Variants in TMEM108 observed in about 807,000 individuals in gnomAD.
TMEM108 encodes the protein transmembrane protein 108.
A neutral mutation model predicts 35.1 loss-of-function variants in TMEM108; 12 were observed. That is an observed-to-expected ratio of 0.34 (90% CI 0.22 to 0.55). The LOEUF (loss-of-function observed/expected upper bound fraction) is 0.55, where lower values mean the gene tolerates loss of function less well. TMEM108 is among the 20% of genes least tolerant of loss of function. The pLI, the probability that TMEM108 is intolerant of heterozygous loss-of-function variation, is 0.89. For synonymous variants in TMEM108, 287 were observed against 308.6 expected, an observed-to-expected ratio of 0.93 and a Z score of 0.73; for missense variants, 680 against 753.3, an observed-to-expected ratio of 0.90 and a Z score of 1.14.
chr3:133,058,600 C>T (rs1035271324), intron 2 of TMEM108, among the ~76,000 whole-genome samples: 3 of 152,204 alleles, frequency 2.0e-5, no homozygotes, highest in Non-Finnish European at 2.9e-5. Context: ...GGGGTGGGAA[C>T]GCACTTGAGG....
chr3:133,080,727 A>G (rs1046968219), intron 2 of TMEM108, among the ~76,000 whole-genome samples: 13 of 152,232 alleles, frequency 8.5e-5, no homozygotes, highest in Non-Finnish European at 1.5e-4. Flanking sequence ...TGCTGATTGT[A>G]AAGTGTATAT....
intron 3 of TMEM108, among the ~76,000 whole-genome samples, chr3:133,302,658 G>A (rs1947245595): frequency 6.6e-6 from 1 of 151,942 alleles, no homozygotes; most frequent in Non-Finnish European, 1.5e-5. Flanking sequence ...CTGACCTCAT[G>A]ATCCTCCCGC....
At position 133,130,970 on chromosome 3, in the gene TMEM108, A is replaced by G. The variant is rs140777121; in HGVS notation, c.-47+84950A>G. On this transcript the variant is annotated intron_variant, in intron 2 of 5. Coordinates refer to ENST00000321871, the MANE Select transcript of TMEM108 (RefSeq NM_023943.4). ...AAAAGAAATTACTTATGAAATACCA[A>G]TGGATTAGGCTAATGTGGTAGATGG... is the stretch of plus-strand genomic sequence containing the variant. Among the ~76,000 whole-genome samples, 708 of 152,312 alleles carry G rather than the reference A, an allele frequency of 4.6e-3. 5 individuals are homozygous for G. Among genetic ancestry groups the G allele is most frequent in the Non-Finnish European group, 6.7e-3 (458 of 68,030 alleles).
At chr3:133,123,646 A>T (rs1944380639) in intron 2 of TMEM108, among the ~76,000 whole-genome samples, 1 of 152,226 alleles carries the variant, frequency 6.6e-6, no homozygotes, top group Admixed American at 6.5e-5. Context: ...AAATGGCAAT[A>T]AAAAAATGTC....
chr3:133,134,943 G>A (rs1370540266), intron 2 of TMEM108, among the ~76,000 whole-genome samples: 1 of 151,610 alleles, frequency 6.6e-6, no homozygotes, highest in African/African-American at 2.4e-5. Context: ...CTTAGTAGCT[G>A]CTCCTGCTAT....
chr3:133,149,183 A>G (rs1476853982), intron 2 of TMEM108, among the ~76,000 whole-genome samples: 1 of 152,160 alleles, frequency 6.6e-6, no homozygotes, highest in Non-Finnish European at 1.5e-5. Context: ...AGGCCCTCAG[A>G]TGAAACAGTT....
chr3:133,291,656 A>G (rs1317584685), intron 3 of TMEM108, among the ~76,000 whole-genome samples: 1 of 151,954 alleles, frequency 6.6e-6, no homozygotes, highest in Non-Finnish European at 1.5e-5. Context: ...TCCAAGAGAG[A>G]GGTGGAATTT....
intron 2 of TMEM108, among the ~76,000 whole-genome samples, chr3:133,172,027 A>G (rs1045596651): frequency 2.4e-4 from 37 of 152,340 alleles, no homozygotes; most frequent in African/African-American, 8.7e-4. Flanking sequence ...AAGATTCTTT[A>G]CATACTTTGA....
At position 133,352,122 on chromosome 3, in the gene TMEM108, A is replaced by G. The variant is rs112298776; in HGVS notation, c.41-27630A>G. Among the ~76,000 whole-genome samples the G allele has an allele frequency of 2.4e-3, 358 of 152,282 alleles. 2 individuals carry two copies. Among genetic ancestry groups the G allele is most frequent in the African/African-American group, 8.1e-3 (336 of 41,568 alleles). On this transcript the variant is annotated intron_variant, in intron 3 of 5. Coordinates refer to ENST00000321871, the MANE Select transcript of TMEM108 (RefSeq NM_023943.4). ...GCATCTTATTTACAAATTTATTTTC[A>G]TGTCAAGCTAACAGGCATGGTAACT... is the stretch of plus-strand genomic sequence containing the variant.
At chr3:133,079,830 G>A (rs548361399) in intron 2 of TMEM108, among the ~76,000 whole-genome samples, 5 of 152,162 alleles carry the variant, frequency 3.3e-5, no homozygotes, top group African/African-American at 1.2e-4. Context: ...GACTGTGACC[G>A]TCTTGCTTAC....
chr3:133,229,306 G>A lies in TMEM108; in HGVS notation c.-6G>A. On this transcript the variant is annotated 5_prime_UTR_variant, in exon 3 of 6. The change abolishes an upstream ATG in the 5' untranslated region. Transcript: ENST00000321871. ...AACTGGAGGATAAGCAGGACCAGAT[G>A]ATACCATGAAGAGAAGTTTACAGGC... is the stretch of plus-strand genomic sequence containing the variant. 5.6e-6 allele frequency: 9 copies of A among 1,613,018 alleles called. No individual in the cohort carries two copies. Among genetic ancestry groups the A allele is most frequent in the Non-Finnish European group, 7.6e-6 (9 of 1,179,482 alleles).
intron 2 of TMEM108, among the ~76,000 whole-genome samples, chr3:133,054,240 T>C (rs1943439651): frequency 6.6e-6 from 1 of 152,222 alleles, no homozygotes; most frequent in Admixed American, 6.5e-5. Flanking sequence ...ACATGTTTAG[T>C]AGCAATTGTG....
intron 2 of TMEM108, among the ~76,000 whole-genome samples, chr3:133,116,666 A>G (rs1944291313): frequency 6.6e-6 from 1 of 152,248 alleles, no homozygotes; most frequent in East Asian, 1.9e-4. Context: ...ACTTGGGTTC[A>G]GCATAATCCA....
chr3:133,141,455 C>T (rs749213365), intron 2 of TMEM108, among the ~76,000 whole-genome samples: 12 of 152,166 alleles, frequency 7.9e-5, no homozygotes, highest in Non-Finnish European at 1.6e-4. Context: ...TGCAGGAGTC[C>T]ACTTCAGTCA....
At chr3:133,103,957 T>C (rs778405335) in intron 2 of TMEM108, among the ~76,000 whole-genome samples, 1 of 152,248 alleles carries the variant, frequency 6.6e-6, no homozygotes, top group Non-Finnish European at 1.5e-5. Context: ...GCTGTTGCTA[T>C]TGTGAAACCA....
At chr3:133,393,696 C>A (rs2073266982) in intron 5 of TMEM108, among the ~76,000 whole-genome samples, 1 of 152,210 alleles carries the variant, frequency 6.6e-6, no homozygotes, top group Non-Finnish European at 1.5e-5. Context: ...TGTAACTTGA[C>A]AAAGGGGCTG....
chr3:133,349,591 C>CAA (rs34235202), intron 3 of TMEM108, among the ~76,000 whole-genome samples: 100 of 147,604 alleles, frequency 6.8e-4, no homozygotes, highest in Non-Finnish European at 1.2e-3. Flanking sequence ...AACTTAATAG[C>CAA]AAAAAAAAAA....
chr3:133,053,253 TCTC>T, intron 2 of TMEM108, among the ~76,000 whole-genome samples: 1 of 152,258 alleles, frequency 6.6e-6, no homozygotes, highest in Middle Eastern at 3.4e-3. Flanking sequence ...TGCAGCTAAA[TCTC>T]CTACATCTAC....
At chr3:133,291,820 C>T (rs1031926307) in intron 3 of TMEM108, among the ~76,000 whole-genome samples, 4 of 152,128 alleles carry the variant, frequency 2.6e-5, no homozygotes, top group Admixed American at 6.5e-5. Context: ...CCATCTATCT[C>T]GGCCTTTCTC....
Sources: allele counts gnomAD v4.1 joint callset (sites outside exome capture counted in the v4.1 genomes callset), GRCh38; gene constraint gnomAD v4.1.1; transcripts MANE v1.5; gene names NCBI Gene and HGNC (gene_info 2026-07-23, HGNC 2026-07-21).